The following PRKX variants were observed in gnomAD, a reference collection of about 807,000 sequenced individuals.
PRKX encodes protein kinase cAMP-dependent X-linked catalytic subunit, also known as cAMP-dependent protein kinase catalytic subunit PRKX.
A neutral mutation model predicts 22.0 loss-of-function variants in PRKX; 12 were observed. That is an observed-to-expected ratio of 0.54 (90% CI 0.35 to 0.88). The LOEUF (loss-of-function observed/expected upper bound fraction) is 0.88, where lower values mean the gene tolerates loss of function less well. Among genes scored for constraint, PRKX ranks in the 40% least tolerant of loss-of-function variants. The pLI, the probability that PRKX is intolerant of heterozygous loss-of-function variation, is 0.01. For synonymous variants in PRKX, 134 were observed against 137.7 expected (o/e 0.97, Z 0.19); for missense variants, 217 against 308.0 (o/e 0.70, Z 2.21).
At chrX:3,706,002 TAA>T (rs11349613) in intron 1 of PRKX, among the ~76,000 whole-genome samples, 43 of 93,679 alleles carry the variant, frequency 4.6e-4, no homozygotes, top group African/African-American at 1.1e-3. Flanking sequence ...GGTTTTTCTT[TAA>T]AAAAAAAAAA....
chrX:3,643,797 C>T (rs1204499234), intron 3 of PRKX, among the ~76,000 whole-genome samples: 1 of 111,355 alleles, frequency 9.0e-6, no homozygotes, highest in African/African-American at 3.3e-5. Flanking sequence ...TGTTTATCCA[C>T]TCTCAAGTTC....
intron 4 of PRKX, among the ~76,000 whole-genome samples, chrX:3,627,509 T>C (rs1926686982): frequency 9.2e-6 from 1 of 108,489 alleles, no homozygotes; most frequent in South Asian, 4.1e-4. Flanking sequence ...TCTCCCAGGC[T>C]GGAGTGCAGC....
Position 3,655,142 on chromosome X carries a change from C to G in PRKX, c.599+7G>C. 8.3e-7 allele frequency: 1 copy of G among 1,209,225 alleles called. No individual in the cohort carries two copies. Among genetic ancestry groups the G allele is most frequent in the African/African-American group, 1.7e-5 (1 of 57,239 alleles). On this transcript the variant is annotated splice_region_variant and intron_variant, in intron 3 of 8. Coordinates refer to ENST00000262848, the MANE Select transcript of PRKX (RefSeq NM_005044.5). ...GTAGATTCCATCGGAGTTCACGTTC[C>G]TCTTACCTGTCTACCAGCTTCTTGG...
rs1569057932 is a variant in PRKX at position 3,677,320 on chromosome X, G to GTC, written c.167-2555_167-2554insGA. Among the ~76,000 whole-genome samples, 3 of 47,986 alleles carry GTC rather than the reference G, an allele frequency of 6.3e-5. 1 individual carries two copies. The highest frequency in any genetic ancestry group is 1.1e-4 in the African/African-American group (1 of 8,702). 41.7% of individuals were successfully genotyped at this position (47,986 alleles called of 115,157 possible). On this transcript the variant is annotated intron_variant, in intron 1 of 8. Transcript: ENST00000262848. ...CTTAGAGGGTAGATCACATTATATT[G>GTC]TTTTGTCTTTTTTTTTTTTTTTTTT...
At chrX:3,693,811 G>A (rs960695973) in intron 1 of PRKX, among the ~76,000 whole-genome samples, 11 of 108,058 alleles carry the variant, frequency 1.0e-4, no homozygotes, top group Middle Eastern at 4.9e-3. Flanking sequence ...GTGGTGGCGG[G>A]TGCCTGTAGT....
intron 2 of PRKX, among the ~76,000 whole-genome samples, chrX:3,659,245 C>T (rs1239655507): frequency 9.7e-6 from 1 of 102,952 alleles, no homozygotes; most frequent in African/African-American, 3.5e-5. Context: ...CAGAGCAAGA[C>T]CTCATTTCTA....
At chrX:3,701,946 C>A (rs1199396699) in intron 1 of PRKX, among the ~76,000 whole-genome samples, 1 of 112,134 alleles carries the variant, frequency 8.9e-6, no homozygotes, top group East Asian at 2.8e-4. Context: ...CAAGAAATAG[C>A]CATAAAAATG....
chrX:3,697,774 C>T (rs944598289), intron 1 of PRKX, among the ~76,000 whole-genome samples: 4 of 111,103 alleles, frequency 3.6e-5, no homozygotes, highest in Admixed American at 2.9e-4. Context: ...TGGCGTTGAC[C>T]TCCCAGGCTC....
intron 1 of PRKX, among the ~76,000 whole-genome samples, chrX:3,693,098 G>T (rs1365562215): frequency 9.1e-6 from 1 of 110,431 alleles, no homozygotes; most frequent in African/African-American, 3.3e-5. Context: ...ACAACACAAG[G>T]TTGGTCCCTC....
chrX:3,689,917 C>T (rs962509666), intron 1 of PRKX, among the ~76,000 whole-genome samples: 13 of 110,986 alleles, frequency 1.2e-4, no homozygotes, highest in Non-Finnish European at 2.3e-4. Context: ...GCAGAGCTTG[C>T]AGTGAGCCGA....
intron 4 of PRKX, among the ~76,000 whole-genome samples, chrX:3,636,557 G>A (rs1214241494): frequency 3.5e-5 from 4 of 112,979 alleles, no homozygotes; most frequent in Non-Finnish European, 5.6e-5. Context: ...CATGTGCAGT[G>A]GAAGAGAAAG....
At chrX:3,653,639 AAT>A (rs1252674150) in intron 3 of PRKX, among the ~76,000 whole-genome samples, 3 of 37,560 alleles carry the variant, frequency 8.0e-5, no homozygotes, top group Admixed American at 4.0e-4. Flanking sequence ...TATACTATGT[AAT>A]ATATATATTA....
intron 4 of PRKX, 96 bp from the exon 5 acceptor site, chrX:3,626,610 A>G (rs931704021): frequency 3.0e-6 from 2 of 676,534 alleles, no homozygotes; most frequent in Non-Finnish European, 4.6e-6. Context: ...ACACAGGCAG[A>G]AGGTAATTTA....
At chrX:3,630,367 T>C (rs771267105) in intron 4 of PRKX, among the ~76,000 whole-genome samples, 69 of 111,213 alleles carry the variant, frequency 6.2e-4, no homozygotes, top group Non-Finnish European at 9.3e-4. Context: ...GAGACCATCC[T>C]GGCTAACACA....
At chrX:3,624,125 G>A (rs1303247002) in intron 5 of PRKX, among the ~76,000 whole-genome samples, 1 of 111,485 alleles carries the variant, frequency 9.0e-6, no homozygotes, top group Admixed American at 9.6e-5. Context: ...ACTTGGGGAG[G>A]ACAAGGCAGG....
chrX:3,700,663 C>T (rs1184389680), intron 1 of PRKX, among the ~76,000 whole-genome samples: 3 of 111,110 alleles, frequency 2.7e-5, no homozygotes, highest in East Asian at 2.8e-4. Flanking sequence ...ACTTCGACCT[C>T]GACCTCTTGG....
intron 3 of PRKX, among the ~76,000 whole-genome samples, chrX:3,653,829 T>TTATATATTATATGTGATATATATATTA (rs1927402677): frequency 4.4e-5 from 2 of 45,147 alleles, no homozygotes; most frequent in African/African-American, 1.3e-4. Flanking sequence ...GATATATATA[T>TTATATATTATATGTGATATATATATTA]TATATATTAT....
At chrX:3,642,492 G>T (rs1419174922) in intron 3 of PRKX, among the ~76,000 whole-genome samples, 2 of 110,099 alleles carry the variant, frequency 1.8e-5, no homozygotes, top group Non-Finnish European at 3.8e-5. Context: ...CACAGGAGAA[G>T]GATGAGGATG....
intron 5 of PRKX, 90 bp from the exon 6 acceptor site, chrX:3,621,406 A>C (rs1926555108): frequency 1.2e-6 from 1 of 818,089 alleles, no homozygotes; most frequent in Admixed American, 2.6e-5. Flanking sequence ...GATAAGATCT[A>C]TCTGACATGA....
Sources: gnomAD v4.1 joint callset for allele counts (sites outside exome capture counted in the v4.1 genomes callset) on GRCh38, gnomAD v4.1.1 for gene constraint, MANE v1.5 for transcripts, NCBI Gene and HGNC (gene_info 2026-07-23, HGNC 2026-07-21) for gene names.